The following SYNE1 variants were observed in gnomAD, a reference collection of about 807,000 sequenced individuals.
SYNE1 encodes the protein nesprin-1.
Under a neutral mutation model 1,111.0 loss-of-function variants are expected in SYNE1, and 616 were observed. The ratio of observed to expected loss-of-function variants is 0.55; its 90% CI spans 0.52 to 0.59. SYNE1 has a LOEUF of 0.59. Among genes scored for constraint, SYNE1 ranks in the 20% least tolerant of loss-of-function variants. The pLI is 0.00. For synonymous variants in SYNE1, 3,855 were observed against 3,825.8 expected, an observed-to-expected ratio of 1.01 and a Z score of -0.28; for missense variants, 10,006 against 10,417.0, an observed-to-expected ratio of 0.96 and a Z score of 1.72.
chr6:152,135,294 T>A (rs947189267), intron 141 of SYNE1, 62 bp from the exon 142 acceptor site: 1 of 1,559,518 alleles, frequency 6.4e-7, no homozygotes, highest in Non-Finnish European at 8.7e-7. Flanking sequence ...AAAACTTAAA[T>A]GTCTTTCAAC....
intron 16 of SYNE1, among the ~76,000 whole-genome samples, chr6:152,470,660 C>T (rs1468054034): frequency 2.6e-5 from 4 of 152,010 alleles, no homozygotes; most frequent in African/African-American, 9.7e-5. Context: ...TTCTAAGATG[C>T]TTCAGTGAAA....
chr6:152,619,256 A>G (rs1378483370), intron 3 of SYNE1, among the ~76,000 whole-genome samples: 1 of 152,176 alleles, frequency 6.6e-6, no homozygotes, highest in Non-Finnish European at 1.5e-5. Flanking sequence ...TGGAACTCTA[A>G]ACTTCATGGG....
At chr6:152,573,715 A>T (rs565356880) in intron 3 of SYNE1, among the ~76,000 whole-genome samples, 3 of 152,316 alleles carry the variant, frequency 2.0e-5, no homozygotes, top group Admixed American at 2.0e-4. Context: ...TCCCTATAAA[A>T]GTCTGTTACC....
chr6:152,590,104 T>C (rs933211567), intron 3 of SYNE1, among the ~76,000 whole-genome samples: 1 of 150,432 alleles, frequency 6.6e-6, no homozygotes, highest in African/African-American at 2.4e-5. Context: ...TGACTAATTA[T>C]TATTATTATT....
In SYNE1 at chr6:152,486,782, C is replaced by T. The variant is rs144367929; in HGVS notation, c.1047+1614G>A. 7.5e-3 allele frequency among the ~76,000 whole-genome samples: 1,141 copies of T among 152,252 alleles called. 17 individuals carry two copies. The highest frequency in any genetic ancestry group is 0.026 in the African/African-American group (1,079 of 41,548). On this transcript the variant is annotated intron_variant, in intron 12 of 145. Transcript: ENST00000367255. Reference sequence around the variant, plus strand: ...AATATAATATTGATGCTATCATCCACCTAAATTCAGGCATATTTTAAAGAT... The same window carrying T: ...AATATAATATTGATGCTATCATCCATCTAAATTCAGGCATATTTTAAAGAT...
intron 51 of SYNE1, among the ~76,000 whole-genome samples, chr6:152,394,184 C>G (rs1591797214): frequency 6.6e-6 from 1 of 152,276 alleles, no homozygotes; most frequent in South Asian, 2.1e-4. Context: ...GCATAGTATT[C>G]CATGGTGTAT....
intron 98 of SYNE1, among the ~76,000 whole-genome samples, chr6:152,270,050 C>T (rs948223796): frequency 3.3e-5 from 5 of 152,222 alleles, no homozygotes; most frequent in African/African-American, 1.2e-4. Flanking sequence ...TCCCAAGACA[C>T]TGAACTAGGC....
At chr6:152,564,059 A>C (rs886331606) in intron 3 of SYNE1, among the ~76,000 whole-genome samples, 1 of 152,224 alleles carries the variant, frequency 6.6e-6, no homozygotes, top group African/African-American at 2.4e-5. Context: ...GAATGTACAA[A>C]GAATATTTTT....
chr6:152,300,543 A>T, intron 93 of SYNE1, 98 bp downstream of exon 93: 1 of 1,565,418 alleles, frequency 6.4e-7, no homozygotes, highest in Non-Finnish European at 8.8e-7. Context: ...CAAATGCAAC[A>T]AAGTCTGAGA....
intron 3 of SYNE1, among the ~76,000 whole-genome samples, chr6:152,576,687 C>T (rs143843133): frequency 2.4e-3 from 370 of 152,272 alleles, no homozygotes; most frequent in African/African-American, 8.5e-3. Flanking sequence ...AGATTCTTGA[C>T]CTTCCTATTC....
chr6:152,448,457 C>A lies in SYNE1; in HGVS notation c.3505-835G>T, dbSNP rs138233420. ...GATGTGAATTTTTTTTTGTGCGATGCAAGCAACCAGTAGCAAATGTAGATA... is the reference window on the plus strand; with the variant it reads ...GATGTGAATTTTTTTTTGTGCGATGAAAGCAACCAGTAGCAAATGTAGATA... On this transcript the variant is annotated intron_variant, in intron 28 of 145. Coordinates refer to ENST00000367255, the MANE Select transcript of SYNE1 (RefSeq NM_182961.4). Among the ~76,000 whole-genome samples the A allele has an allele frequency of 9.3e-3, 1,419 of 152,262 alleles. 7 individuals carry two copies. Among genetic ancestry groups the A allele is most frequent in the Non-Finnish European group, 0.014 (978 of 68,026 alleles).
chr6:152,193,962 A>G (rs544117051), intron 127 of SYNE1, among the ~76,000 whole-genome samples: 81 of 151,538 alleles, frequency 5.3e-4, no homozygotes, highest in African/African-American at 1.5e-3. Context: ...GCAGTGGGCC[A>G]AGATCCCGCC....
chr6:152,459,082 T>A (rs953055047), intron 21 of SYNE1, 152 bp from the exon 22 acceptor site: 6 of 762,562 alleles, frequency 7.9e-6, no homozygotes, highest in Non-Finnish European at 1.3e-5. Context: ...ATATTTCCTC[T>A]ATATTGTCAA....
Position 152,455,438 on chromosome 6 carries a change from C to G in SYNE1, c.2880G>C (p.Leu960=). Residue 960 remains leucine, a synonymous_variant, in exon 24 of 146, where the codon CTG becomes CTC. Transcript: ENST00000367255. ...AGGGTGGACTCACAGTGTGTCTCCGCAGGAGCTCCTCTGGATCCCCCTTTT... is the reference window on the plus strand; with the variant it reads ...AGGGTGGACTCACAGTGTGTCTCCGGAGGAGCTCCTCTGGATCCCCCTTTT... ...LEEKGDPEEL[L]RRHTEFFSQL... 1 of 1,613,998 alleles carries G rather than the reference C, an allele frequency of 6.2e-7. No individual in the cohort carries two copies. Among genetic ancestry groups the G allele is most frequent in the Non-Finnish European group, 8.5e-7 (1 of 1,179,918 alleles).
intron 43 of SYNE1, 100 bp downstream of exon 43, chr6:152,409,459 A>C: frequency 6.7e-7 from 1 of 1,486,878 alleles, no homozygotes; most frequent in South Asian, 1.2e-5. Flanking sequence ...AATTACCCAC[A>C]TCTAAGTATA....
chr6:152,496,162 C>T (rs2098998308), intron 11 of SYNE1, among the ~76,000 whole-genome samples: 1 of 152,176 alleles, frequency 6.6e-6, no homozygotes, highest in African/African-American at 2.4e-5. Flanking sequence ...TGAACAGCTT[C>T]CTCTTCCCCT....
At chr6:152,246,781 C>T (rs62428357) in intron 105 of SYNE1, among the ~76,000 whole-genome samples, 9 of 152,250 alleles carry the variant, frequency 5.9e-5, no homozygotes, top group Admixed American at 3.3e-4. Flanking sequence ...AATTTCAGGA[C>T]ACTGGAAACC....
rs797046023 is a variant in SYNE1, at chr6:152,323,601, T to C, written c.15794A>G (p.Gln5265Arg). The change falls in exon 82 of 146, where the codon CAG becomes CGG. Residue 5265 changes from glutamine to arginine, a missense_variant. Coordinates refer to ENST00000367255, the MANE Select transcript of SYNE1 (RefSeq NM_182961.4). The part of the protein sequence containing the change: ...DTFVLELEQQ[Q>R]SALGMLRQQT... ...CTGCCGCAGCATGCCCAAGGCCGAC[T>C]GCTGCTGCTCCAGCTCCAGAACGAA... 5 of 1,614,138 alleles carry C rather than the reference T, an allele frequency of 3.1e-6. No individual in the cohort carries two copies. In the African/African-American group the frequency reaches 5.3e-5, roughly 17 times the overall value.
At chr6:152,363,158 G>A (rs1301058554) in intron 63 of SYNE1, among the ~76,000 whole-genome samples, 5 of 148,690 alleles carry the variant, frequency 3.4e-5, no homozygotes, top group African/African-American at 4.9e-5. Flanking sequence ...TGGGAATACA[G>A]GCGTGAGCCA....
Sources: gnomAD v4.1 joint callset for allele counts (sites outside exome capture counted in the v4.1 genomes callset) on GRCh38, gnomAD v4.1.1 for gene constraint, MANE v1.5 for transcripts, NCBI Gene and HGNC (gene_info 2026-07-23, HGNC 2026-07-21) for gene names.